The following NFAT5 variants were observed in gnomAD, a reference collection of about 807,000 sequenced individuals.
The protein encoded by NFAT5 is nuclear factor of activated T cells 5, also known as nuclear factor of activated T-cells 5.
A neutral mutation model predicts 166.5 loss-of-function variants in NFAT5; 31 were observed. The observed-to-expected ratio is 0.19, with a 90% CI of 0.14 to 0.25. The LOEUF (loss-of-function observed/expected upper bound fraction) is 0.25. NFAT5 is among the 10% of genes least tolerant of loss of function. NFAT5 has a pLI of 1.00. For missense variants in NFAT5, 1,449 were observed against 1,821.8 expected, an observed-to-expected ratio of 0.80 and a Z score of 3.72; for synonymous variants, 612 against 639.7, an observed-to-expected ratio of 0.96 and a Z score of 0.65.
Position 69,691,773 on chromosome 16 carries a change from C to G in NFAT5, c.1948C>G (p.Gln650Glu), listed in dbSNP as rs1381727603. ...GACTACAAAGTCTGTTGGATCAACT[C>G]AGCAAACATTAGAAAACATCTCAAA... is the stretch of plus-strand genomic sequence containing the variant. ...FKTTKSVGST[Q>E]QTLENISNIA... The change falls in exon 13 of 15, where the codon CAG becomes GAG. Residue 650 changes from glutamine (Q) to glutamate (E), a missense_variant. Physicochemically the swap from Gln to Glu is conservative, Grantham distance 29 (BLOSUM62 2). Around this residue, in one of 7 missense-constraint regions of NFAT5, gnomAD observed 245 missense variants for 366.6 expected, o/e 0.67. Transcript: ENST00000349945. 6.2e-7 allele frequency: 1 copy of G among 1,613,632 alleles called. No homozygotes were observed. Among genetic ancestry groups the G allele is most frequent in the South Asian group, 1.1e-5 (1 of 90,952 alleles).
chr16:69,581,115 C>T (rs997081516), intron 2 of NFAT5, among the ~76,000 whole-genome samples: 1 of 152,056 alleles, frequency 6.6e-6, no homozygotes, highest in Non-Finnish European at 1.5e-5. Flanking sequence ...GATCCTGGCT[C>T]ACTGCAACCT....
intron 2 of NFAT5, among the ~76,000 whole-genome samples, chr16:69,618,600 G>C (rs2034064405): frequency 6.6e-6 from 1 of 152,162 alleles, no homozygotes; most frequent in Admixed American, 6.5e-5. Context: ...AATATTTAAT[G>C]TGAAATTATA....
chr16:69,616,160 C>T (rs1282050275), intron 2 of NFAT5, among the ~76,000 whole-genome samples: 4 of 152,088 alleles, frequency 2.6e-5, no homozygotes, highest in African/African-American at 7.2e-5. Flanking sequence ...ACTTTCCCAC[C>T]GTAGGCAACC....
At chr16:69,622,564 A>T (rs928926471) in intron 2 of NFAT5, among the ~76,000 whole-genome samples, 19 of 152,060 alleles carry the variant, frequency 1.2e-4, no homozygotes, top group Non-Finnish European at 2.6e-4. Flanking sequence ...TTACTATCAT[A>T]CCTCTAGTGG....
Position 69,614,452 on chromosome 16 carries a change from A to T in NFAT5, c.128-11951A>T, listed in dbSNP as rs368925208. Among the ~76,000 whole-genome samples the T allele has an allele frequency of 7.2e-4, 109 of 152,382 alleles. 2 individuals carry two copies. The South Asian group carries it at 0.022, about 30-fold the overall frequency. On this transcript the variant is annotated intron_variant, in intron 2 of 14. Coordinates refer to ENST00000349945, the MANE Select transcript of NFAT5 (RefSeq NM_138713.4). The stretch of plus-strand genomic sequence containing the variant: ...TACAGTTACATAGCTGAATTTTTTG[A>T]ATCCGTAGTAATTAATAAATTCCTA...
intron 2 of NFAT5, among the ~76,000 whole-genome samples, chr16:69,615,960 A>G (rs2033924074): frequency 6.6e-6 from 1 of 151,708 alleles, no homozygotes. Context: ...CTTACTCCCC[A>G]CTTTGGGCAG....
intron 4 of NFAT5, chr16:69,649,221 TATC>T: frequency 2.1e-6 from 2 of 959,046 alleles, no homozygotes; most frequent in East Asian, 2.3e-4. Context: ...GTCTCATGAA[TATC>T]ATTTAATTAC....
intron 2 of NFAT5, among the ~76,000 whole-genome samples, chr16:69,624,267 G>T (rs553469443): frequency 6.6e-6 from 1 of 151,960 alleles, no homozygotes; most frequent in African/African-American, 2.4e-5. Flanking sequence ...GTGCAATGGC[G>T]TGATCTCGGC....
Position 69,582,370 on chromosome 16 carries a change from A to G in NFAT5, c.127+13822A>G, listed in dbSNP as rs563415340. On this transcript the variant is annotated intron_variant, in intron 2 of 14. Coordinates refer to ENST00000349945, the MANE Select transcript of NFAT5 (RefSeq NM_138713.4). ...GATGCACAAATATTTTAATTTTGGTAAAAGCCAATTTATTTTTTCTTTGTT... is the reference window on the plus strand; with the variant it reads ...GATGCACAAATATTTTAATTTTGGTGAAAGCCAATTTATTTTTTCTTTGTT... 5.9e-5 allele frequency among the ~76,000 whole-genome samples: 9 copies of G among 152,226 alleles called. No individual in the cohort carries two copies. In the East Asian group the frequency reaches 9.6e-4, roughly 16 times the overall value.
chr16:69,694,308 G>A (rs770816158), intron 13 of NFAT5, 69 bp downstream of exon 13: 4 of 1,244,254 alleles, frequency 3.2e-6, no homozygotes, highest in Non-Finnish European at 4.5e-6. Context: ...GAGTGCAGTG[G>A]TGCGATCTCA....
intron 3 of NFAT5, among the ~76,000 whole-genome samples, chr16:69,638,347 C>G (rs1454306715): frequency 6.6e-6 from 1 of 152,170 alleles, no homozygotes; most frequent in African/African-American, 2.4e-5. Flanking sequence ...ACACTTTACT[C>G]CAGACCCAGG....
intron 10 of NFAT5, among the ~76,000 whole-genome samples, chr16:69,682,275 T>C (rs2037095183): frequency 6.7e-6 from 1 of 149,940 alleles, no homozygotes; most frequent in African/African-American, 2.5e-5. Context: ...CTATAAGAAA[T>C]GGGAATGTAA....
Position 69,566,616 on chromosome 16 carries a change from C to T in NFAT5, c.73+242C>T, listed in dbSNP as rs1312021625. The stretch of plus-strand genomic sequence containing the variant: ...CCGCTCGGGGCCCAGATTCCGTCGG[C>T]CCCCGGGGCTCTGCGGCACCGGTCG... On this transcript the variant is annotated intron_variant, in intron 1 of 14. Transcript: ENST00000349945. This position sits in a 1 kb window ranked among gnomAD's most constrained non-coding sequence, Gnocchi z 5.7. 5.9e-5 allele frequency among the ~76,000 whole-genome samples: 9 copies of T among 151,944 alleles called. No homozygotes were observed. The highest frequency in any genetic ancestry group is 8.8e-5 in the Non-Finnish European group (6 of 67,912).
chr16:69,617,139 T>C (rs2151565980), intron 2 of NFAT5, among the ~76,000 whole-genome samples: 1 of 152,148 alleles, frequency 6.6e-6, no homozygotes, highest in Non-Finnish European at 1.5e-5. Flanking sequence ...AGATGGAGTT[T>C]CACCGTGTTA....
At chr16:69,567,502 G>A (rs1219633667) in intron 1 of NFAT5, among the ~76,000 whole-genome samples, 1 of 151,996 alleles carries the variant, frequency 6.6e-6, no homozygotes, top group Non-Finnish European at 1.5e-5. Flanking sequence ...TTCTGCTTTT[G>A]GTTTGATGTA....
intron 7 of NFAT5, among the ~76,000 whole-genome samples, chr16:69,669,749 C>T (rs1223404524): frequency 1.3e-5 from 2 of 152,178 alleles, no homozygotes; most frequent in African/African-American, 4.8e-5. Flanking sequence ...TTCACTTGGA[C>T]TTGGCACATT....
intron 10 of NFAT5, among the ~76,000 whole-genome samples, chr16:69,678,880 C>G (rs112608559): frequency 1.1e-4 from 16 of 152,354 alleles, no homozygotes; most frequent in African/African-American, 3.6e-4. Context: ...GACAGAATAA[C>G]AACTAATTTA....
chr16:69,634,166 C>T (rs188745437), intron 3 of NFAT5, among the ~76,000 whole-genome samples: 19 of 150,940 alleles, frequency 1.3e-4, no homozygotes, highest in African/African-American at 4.6e-4. Context: ...TAATCCCCAG[C>T]TCTTCAGGAG....
intron 14 of NFAT5, chr16:69,695,801 C>G (rs1297258837): frequency 6.2e-6 from 1 of 162,150 alleles, no homozygotes; most frequent in Non-Finnish European, 1.4e-5. Context: ...GTGGAAAATT[C>G]CACACCTAAC....
Sources: gnomAD v4.1 joint callset for allele counts (sites outside exome capture counted in the v4.1 genomes callset) on GRCh38, gnomAD v4.1.1 for gene constraint, gnomAD v4.1.1 regional missense constraint, Gnocchi (gnomAD v3.1) non-coding constraint, MANE v1.5 for transcripts, NCBI Gene and HGNC (gene_info 2026-07-23, HGNC 2026-07-21) for gene names.